SGK3: variants seen among roughly 807,000 people sequenced by gnomAD.
The protein encoded by SGK3 is serine/threonine-protein kinase Sgk3.
Under a neutral mutation model 68.5 loss-of-function variants are expected in SGK3, and 47 were observed. The observed-to-expected ratio is 0.69, with a 90% CI of 0.54 to 0.87. SGK3 has a LOEUF of 0.87. SGK3 is among the 40% of genes least tolerant of loss of function. SGK3 has a pLI of 0.00. For missense variants in SGK3, 479 were observed against 575.5 expected, an observed-to-expected ratio of 0.83 and a Z score of 1.72; for synonymous variants, 181 against 189.1, an observed-to-expected ratio of 0.96 and a Z score of 0.35.
intron 8 of SGK3, among the ~76,000 whole-genome samples, chr8:66,833,842 C>T (rs1322579546): frequency 1.3e-5 from 2 of 152,178 alleles, no homozygotes; most frequent in South Asian, 2.1e-4. Context: ...CAGGCGTGTG[C>T]CACCACGCCC....
intron 1 of SGK3, among the ~76,000 whole-genome samples, chr8:66,745,176 GT>G (rs1238193772): frequency 6.6e-6 from 1 of 151,522 alleles, no homozygotes; most frequent in Non-Finnish European, 1.5e-5. Context: ...TTGTTTCATT[GT>G]TTTGTTTGTT....
chr8:66,817,600 C>A (rs946690442), intron 5 of SGK3, among the ~76,000 whole-genome samples: 4 of 151,932 alleles, frequency 2.6e-5, no homozygotes, highest in Non-Finnish European at 5.9e-5. Context: ...TTATCTCCCC[C>A]CTCGGCCTCC....
chr8:66,724,108 G>A (rs1367235675), intron 1 of SGK3, among the ~76,000 whole-genome samples: 1 of 151,810 alleles, frequency 6.6e-6, no homozygotes, highest in African/African-American at 2.4e-5. Context: ...TTTTTATTAG[G>A]ACTACAGGCT....
chr8:66,801,303 A>T (rs1424854749), intron 3 of SGK3, among the ~76,000 whole-genome samples: 1 of 152,194 alleles, frequency 6.6e-6, no homozygotes, highest in Non-Finnish European at 1.5e-5. Context: ...TGTGATATTC[A>T]ACCTGTATAG....
Position 66,725,513 on chromosome 8 carries a change from A to G in SGK3, c.-122+12680A>G, listed in dbSNP as rs143538848. Among the ~76,000 whole-genome samples the G allele has an allele frequency of 5.6e-4, 85 of 151,980 alleles. No individual in the cohort carries two copies. The Middle Eastern group carries it at 0.01, about 18-fold the overall frequency. ...TATTTTTTTTTTTAACCCTGTGAAT[A>G]TGTAACCCATTGTTAAAATAATGTT... On this transcript the variant is annotated intron_variant, in intron 1 of 16. Transcript: ENST00000521198.
intron 1 of SGK3, among the ~76,000 whole-genome samples, chr8:66,713,109 T>TGGGAACGCCGAGCA (rs1804537495): frequency 6.6e-6 from 1 of 152,156 alleles, no homozygotes; most frequent in Non-Finnish European, 1.5e-5. Flanking sequence ...CTGGAGGAAC[T>TGGGAACGCCGAGCA]GGGAACGCCG....
At chr8:66,817,290 G>A (rs528196886) in intron 5 of SGK3, among the ~76,000 whole-genome samples, 37 of 151,956 alleles carry the variant, frequency 2.4e-4, no homozygotes, top group Middle Eastern at 3.2e-3. Flanking sequence ...AATTAACCAG[G>A]CATGGTGGCC....
chr8:66,786,796 C>T (rs773602846), intron 1 of SGK3, among the ~76,000 whole-genome samples: 5 of 152,030 alleles, frequency 3.3e-5, no homozygotes, highest in African/African-American at 7.3e-5. Flanking sequence ...GTACAGTCTG[C>T]GGCTGTGTCC....
intron 1 of SGK3, among the ~76,000 whole-genome samples, chr8:66,722,162 G>A (rs895844924): frequency 2.0e-5 from 3 of 152,234 alleles, no homozygotes; most frequent in African/African-American, 7.2e-5. Context: ...GCGTGGGCCA[G>A]ATGGTATAGG....
chr8:66,792,734 A>T (rs939008746), intron 1 of SGK3, among the ~76,000 whole-genome samples: 3 of 152,180 alleles, frequency 2.0e-5, no homozygotes, highest in Non-Finnish European at 4.4e-5. Flanking sequence ...ACAAAAAAAA[A>T]GTATTGTTTG....
At chr8:66,856,868 A>G (rs1810533329) in intron 16 of SGK3, among the ~76,000 whole-genome samples, 1 of 152,188 alleles carries the variant, frequency 6.6e-6, no homozygotes. Context: ...CGAGACGGGC[A>G]TATCACTTGA....
At chr8:66,739,117 T>C (rs1246055046) in intron 1 of SGK3, among the ~76,000 whole-genome samples, 1 of 152,202 alleles carries the variant, frequency 6.6e-6, no homozygotes, top group Non-Finnish European at 1.5e-5. Flanking sequence ...GGGTAATTTA[T>C]AAAGAAAAGA....
intron 16 of SGK3, among the ~76,000 whole-genome samples, chr8:66,854,418 G>A (rs1374824761): frequency 6.6e-6 from 1 of 152,136 alleles, no homozygotes; most frequent in Admixed American, 6.5e-5. Context: ...GCATAGTCCT[G>A]CCCTGAAGGG....
chr8:66,760,774 G>C (rs76680468), intron 1 of SGK3, among the ~76,000 whole-genome samples: 3,434 of 152,052 alleles, frequency 0.023, 75 homozygotes, highest in South Asian at 0.055. Context: ...ATCACACAAG[G>C]GCTTTTCTTC....
chr8:66,844,645 G>T (rs1270571645), intron 14 of SGK3, among the ~76,000 whole-genome samples: 1 of 152,180 alleles, frequency 6.6e-6, no homozygotes, highest in Non-Finnish European at 1.5e-5. Flanking sequence ...CTCATGCTGG[G>T]AACCATGTGC....
intron 1 of SGK3, among the ~76,000 whole-genome samples, chr8:66,790,466 T>C (rs1212878095): frequency 1.3e-5 from 2 of 152,192 alleles, no homozygotes; most frequent in Non-Finnish European, 2.9e-5. Flanking sequence ...CCTACCCAAG[T>C]ACCTACATGT....
At chr8:66,723,503 G>A (rs1291244757) in intron 1 of SGK3, among the ~76,000 whole-genome samples, 2 of 151,990 alleles carry the variant, frequency 1.3e-5, no homozygotes, top group Non-Finnish European at 2.9e-5. Flanking sequence ...GAGTGCAGTG[G>A]TGCAATCTTA....
At chr8:66,842,644 AT>A (rs576229420) in intron 13 of SGK3, among the ~76,000 whole-genome samples, 6 of 152,380 alleles carry the variant, frequency 3.9e-5, no homozygotes, top group African/African-American at 1.4e-4. Flanking sequence ...ACAAATTAAA[AT>A]GTAAATAGAC....
Position 66,813,840 on chromosome 8 carries a change from A to G in SGK3, c.254-13A>G, listed in dbSNP as rs1305672538. The G allele has an allele frequency of 5.1e-6, 8 of 1,565,782 alleles. No individual in the cohort carries two copies. The highest frequency in any genetic ancestry group is 6.9e-6 in the Non-Finnish European group (8 of 1,158,170). On this transcript the variant is annotated splice_polypyrimidine_tract_variant and intron_variant, in intron 4 of 16. Transcript: ENST00000521198. The stretch of plus-strand genomic sequence containing the variant: ...GACATAAATAATCCTAATAGTTTAT[A>G]TCTCTCTTCCAGATTTTATTAAACA...
Sources: allele counts gnomAD v4.1 joint callset (sites outside exome capture counted in the v4.1 genomes callset), GRCh38; gene constraint gnomAD v4.1.1; transcripts MANE v1.5; gene names NCBI Gene and HGNC (gene_info 2026-07-23, HGNC 2026-07-21).